The following WNT2 variants were observed in gnomAD, a reference collection of about 807,000 sequenced individuals.
WNT2 encodes the protein Wnt family member 2.
In WNT2, 12 loss-of-function variants were observed where a neutral mutation model predicts 36.9. That is an observed-to-expected ratio of 0.33 (90% CI 0.21 to 0.53). The LOEUF is 0.53. Ranked by LOEUF, WNT2 falls within the 20% of genes least tolerant of loss-of-function variation. WNT2 has a pLI of 0.95. For synonymous variants in WNT2, 163 were observed against 174.6 expected, an observed-to-expected ratio of 0.93 and a Z score of 0.52; for missense variants, 379 against 473.1, an observed-to-expected ratio of 0.80 and a Z score of 1.84.
At chr7:117,312,700 A>G (rs1404898357) in intron 3 of WNT2, among the ~76,000 whole-genome samples, 1 of 152,360 alleles carries the variant, frequency 6.6e-6, no homozygotes, top group East Asian at 1.9e-4. Context: ...CATGAAAGAA[A>G]GAAATCATTA....
chr7:117,287,458 A>G (rs538669323), intron 4 of WNT2, among the ~76,000 whole-genome samples: 2 of 152,258 alleles, frequency 1.3e-5, no homozygotes, highest in East Asian at 1.9e-4. Flanking sequence ...AGCATTTTCT[A>G]TACAGCACTT....
chr7:117,312,983 T>C (rs1795149963), intron 3 of WNT2, among the ~76,000 whole-genome samples: 1 of 152,220 alleles, frequency 6.6e-6, no homozygotes, highest in Non-Finnish European at 1.5e-5. Flanking sequence ...GATGTTCATA[T>C]TGGCCAATTT....
In WNT2 at chr7:117,322,878, A is replaced by AT. The variant is rs1562833712; in HGVS notation, c.83+28dup. 1.3e-6 allele frequency: 2 copies of AT among 1,566,422 alleles called. No homozygotes were observed. The highest frequency in any genetic ancestry group is 1.7e-4 in the Middle Eastern group (1 of 5,982). On this transcript the variant is annotated intron_variant, in intron 1 of 4. Coordinates refer to ENST00000265441, the MANE Select transcript of WNT2 (RefSeq NM_003391.3). This position sits in a 1 kb window ranked among gnomAD's most constrained non-coding sequence, Gnocchi z 5.4. ...TGCGGTCCCCATTCCGATCTCCAAA[A>AT]TCCCCCGCGCCCGTGCGCGTGGACT...
chr7:117,283,997 G>A lies in WNT2; in HGVS notation c.854-5613C>T, dbSNP rs568547916. ...GCACCAAGGAATGGGCCAACTGGGCGGGAAAGGGCAGTCCCTGCAGCTGGA... is the reference window on the plus strand; with the variant it reads ...GCACCAAGGAATGGGCCAACTGGGCAGGAAAGGGCAGTCCCTGCAGCTGGA... On this transcript the variant is annotated intron_variant, in intron 4 of 4. Transcript: ENST00000265441. Among the ~76,000 whole-genome samples the A allele has an allele frequency of 1.1e-3, 167 of 152,210 alleles. No individual in the cohort carries two copies. The South Asian group carries it at 0.012, about 11-fold the overall frequency.
chr7:117,289,002 C>T (rs997868663), intron 4 of WNT2, among the ~76,000 whole-genome samples: 2 of 149,840 alleles, frequency 1.3e-5, no homozygotes, highest in African/African-American at 4.9e-5. Flanking sequence ...TCTCTGCTGC[C>T]AGTTAAAAGC....
intron 4 of WNT2, 151 bp from the exon 5 acceptor site, chr7:117,278,535 T>G: frequency 2.7e-6 from 2 of 742,250 alleles, no homozygotes; most frequent in Non-Finnish European, 4.3e-6. Context: ...TGTGGGCCCA[T>G]GCCATGTGTG....
intron 4 of WNT2, among the ~76,000 whole-genome samples, chr7:117,279,265 T>G (rs1355379340): frequency 6.6e-6 from 1 of 152,250 alleles, no homozygotes; most frequent in African/African-American, 2.4e-5. Flanking sequence ...AAGCACATTA[T>G]CAGACAACAG....
intron 2 of WNT2, among the ~76,000 whole-genome samples, chr7:117,319,892 A>C (rs1461765054): frequency 6.6e-6 from 1 of 152,206 alleles, no homozygotes; most frequent in Admixed American, 6.5e-5. Flanking sequence ...AATAATAGGT[A>C]GCCACTACAA....
rs765148993 is a variant in WNT2, at chr7:117,322,995, C to G, written c.-6G>C. 6.2e-7 allele frequency: 1 copy of G among 1,609,796 alleles called. No individual in the cohort carries two copies. Among genetic ancestry groups the G allele is most frequent in the African/African-American group, 1.3e-5 (1 of 74,726 alleles). On this transcript the variant is annotated 5_prime_UTR_variant, in exon 1 of 5. Coordinates refer to ENST00000265441, the MANE Select transcript of WNT2 (RefSeq NM_003391.3). This position sits in a 1 kb window ranked among gnomAD's most constrained non-coding sequence, Gnocchi z 5.4. ...CCACCGAGAGGGGCGTTCATATTAA[C>G]CCCCTTGCGTCTGCATCAGGTCAGA...
intron 3 of WNT2, among the ~76,000 whole-genome samples, chr7:117,304,248 G>C (rs993342948): frequency 2.6e-5 from 4 of 152,142 alleles, no homozygotes; most frequent in African/African-American, 9.7e-5. Context: ...TGGGAAGTCT[G>C]ATATGGGAAG....
At chr7:117,298,528 T>G (rs949729340) in intron 3 of WNT2, among the ~76,000 whole-genome samples, 1 of 152,136 alleles carries the variant, frequency 6.6e-6, no homozygotes, top group Non-Finnish European at 1.5e-5. Flanking sequence ...TCAGCTTAGA[T>G]GACAGGGGTG....
At chr7:117,317,710 T>C (rs1389136098) in intron 2 of WNT2, among the ~76,000 whole-genome samples, 5 of 152,212 alleles carry the variant, frequency 3.3e-5, no homozygotes, top group Non-Finnish European at 7.4e-5. Flanking sequence ...TTTCCTAATG[T>C]GTTGCTATTG....
intron 4 of WNT2, among the ~76,000 whole-genome samples, chr7:117,283,351 T>G (rs1313629901): frequency 6.6e-6 from 1 of 152,260 alleles, no homozygotes; most frequent in Non-Finnish European, 1.5e-5. Context: ...GTAAACATTC[T>G]TCCCTTCTAC....
At chr7:117,320,411 T>C (rs1343323581) in intron 2 of WNT2, 156 bp downstream of exon 2, 4 of 709,962 alleles carry the variant, frequency 5.6e-6, no homozygotes, top group Non-Finnish European at 9.5e-6. Flanking sequence ...TTGATTTCTC[T>C]AGTCCTCACC....
chr7:117,315,637 G>A (rs1036989985), intron 2 of WNT2, among the ~76,000 whole-genome samples: 4 of 152,184 alleles, frequency 2.6e-5, no homozygotes, highest in African/African-American at 9.6e-5. Flanking sequence ...CTTCACATTA[G>A]TCTCAAACAC....
chr7:117,278,281 G>T lies in WNT2; in HGVS notation c.957C>A (p.Thr319=), dbSNP rs148867917. ...CGRGYDTSHV[T]RMTKCGCKFH... is the part of the protein sequence containing the mutation. ...ACTTACACCCACACTTGGTCATCCG[G>T]GTGACATGGGAGGTGTCGTAGCCTC... The change falls in exon 5 of 5, where the codon ACC becomes ACA. Residue 319 remains threonine (T), a synonymous_variant. Transcript: ENST00000265441. The T allele has an allele frequency of 2.2e-4, 358 of 1,614,080 alleles. 1 individual carries two copies. Among genetic ancestry groups the T allele is most frequent in the Non-Finnish European group, 2.8e-4 (331 of 1,180,042 alleles).
At position 117,278,145 on chromosome 7, in the gene WNT2, C is replaced by T; in HGVS notation, c.*10G>A. The T allele has an allele frequency of 6.2e-7, 1 of 1,613,956 alleles. No individual in the cohort carries two copies. Among genetic ancestry groups the T allele is most frequent in the South Asian group, 1.1e-5 (1 of 91,064 alleles). On this transcript the variant is annotated 3_prime_UTR_variant, in exon 5 of 5. Transcript: ENST00000265441. ...GTAGAAGGGAAGGTGGATGGTGACG[C>T]CTGCTGGGGTCATGTAGCGGTTGTC...
intron 3 of WNT2, among the ~76,000 whole-genome samples, chr7:117,308,197 A>C (rs533406054): frequency 6.6e-6 from 1 of 152,326 alleles, no homozygotes; most frequent in African/African-American, 2.4e-5. Flanking sequence ...AAATTTATTA[A>C]AAATTGTGCA....
At chr7:117,295,875 C>T (rs1458554159) in intron 4 of WNT2, among the ~76,000 whole-genome samples, 1 of 152,062 alleles carries the variant, frequency 6.6e-6, no homozygotes, top group Non-Finnish European at 1.5e-5. Context: ...GAACGTGGTT[C>T]TTGGTTGGTG....
Sources: gnomAD v4.1 joint callset for allele counts (sites outside exome capture counted in the v4.1 genomes callset) on GRCh38, gnomAD v4.1.1 for gene constraint, Gnocchi (gnomAD v3.1) non-coding constraint, MANE v1.5 for transcripts, NCBI Gene and HGNC (gene_info 2026-07-23, HGNC 2026-07-21) for gene names.